Variants in USP48 observed in about 807,000 individuals in gnomAD.
USP48 encodes the protein ubiquitin specific peptidase 48, also known as ubiquitin carboxyl-terminal hydrolase 48.
In USP48, 43 loss-of-function variants were observed where a neutral mutation model predicts 150.7. That is an observed-to-expected ratio of 0.29 (90% CI 0.22 to 0.37). The LOEUF (loss-of-function observed/expected upper bound fraction) is 0.37. Ranked by LOEUF, USP48 falls within the 10% of genes least tolerant of loss-of-function variation. The probability of loss-of-function intolerance (pLI) is 1.00; values close to 1 mark genes in which losing one functional copy is unlikely to be tolerated. For synonymous variants in USP48, 396 were observed against 425.9 expected (o/e 0.93, Z 0.86); for missense variants, 813 against 1,249.6 (o/e 0.65, Z 5.27).
intron 15 of USP48, among the ~76,000 whole-genome samples, chr1:21,709,627 C>T (rs1380813360): frequency 6.6e-6 from 1 of 151,644 alleles, no homozygotes; most frequent in African/African-American, 2.4e-5. Flanking sequence ...GGTATAACCC[C>T]ATGTGGTTAT....
At chr1:21,766,798 A>T (rs907558144) in intron 1 of USP48, among the ~76,000 whole-genome samples, 1 of 151,842 alleles carries the variant, frequency 6.6e-6, no homozygotes, top group East Asian at 1.9e-4. Flanking sequence ...GCCTCCTGAG[A>T]CTCATGCCTG....
intron 9 of USP48, among the ~76,000 whole-genome samples, chr1:21,734,746 T>A (rs2097765013): frequency 6.6e-6 from 1 of 152,200 alleles, no homozygotes; most frequent in African/African-American, 2.4e-5. Flanking sequence ...TGTGTTAGAT[T>A]TCCAGAACAA....
chr1:21,697,143 G>C (rs2097636263), intron 22 of USP48, among the ~76,000 whole-genome samples: 1 of 152,088 alleles, frequency 6.6e-6, no homozygotes, highest in Non-Finnish European at 1.5e-5. Context: ...GGGCTCCACA[G>C]TTTACAAAGC....
chr1:21,705,216 C>A (rs2097668786), intron 19 of USP48, among the ~76,000 whole-genome samples: 1 of 152,148 alleles, frequency 6.6e-6, no homozygotes, highest in Non-Finnish European at 1.5e-5. Context: ...TCTCGTATAT[C>A]ACGATTTTTG....
chr1:21,769,913 A>G (rs1293335357), intron 1 of USP48, among the ~76,000 whole-genome samples: 2 of 152,142 alleles, frequency 1.3e-5, no homozygotes, highest in Non-Finnish European at 2.9e-5. Flanking sequence ...ACTAAAATAT[A>G]TATGCAGAAT....
At chr1:21,713,843 A>G (rs1310329495) in intron 15 of USP48, among the ~76,000 whole-genome samples, 4 of 152,194 alleles carry the variant, frequency 2.6e-5, no homozygotes, top group Non-Finnish European at 5.9e-5. Context: ...AAGACCAACC[A>G]GTAGACAGAT....
intron 23 of USP48, among the ~76,000 whole-genome samples, chr1:21,691,549 C>T (rs2097600805): frequency 6.6e-6 from 1 of 152,058 alleles, no homozygotes; most frequent in African/African-American, 2.4e-5. Flanking sequence ...GGAGGAGAAT[C>T]ACTTGAACCC....
intron 17 of USP48, 33 bp downstream of exon 17, chr1:21,706,434 G>C: frequency 6.2e-7 from 1 of 1,612,966 alleles, no homozygotes; most frequent in East Asian, 2.2e-5. Flanking sequence ...AAAAAGAAAA[G>C]ATGCATTCTT....
chr1:21,710,632 A>G (rs1425327741), intron 15 of USP48, among the ~76,000 whole-genome samples: 1 of 152,208 alleles, frequency 6.6e-6, no homozygotes, highest in Non-Finnish European at 1.5e-5. Context: ...TGACTAATTC[A>G]CACAAAACCT....
At position 21,783,001 on chromosome 1, in the gene USP48, C is replaced by A; in HGVS notation, c.-44G>T. 2 of 1,479,034 alleles carry A rather than the reference C, an allele frequency of 1.4e-6. No individual in the cohort carries two copies. Among genetic ancestry groups the A allele is most frequent in the African/African-American group, 1.5e-5 (1 of 68,246 alleles). 91.6% of individuals were successfully genotyped at this position (1,479,034 alleles called of 1,614,324 possible). On this transcript the variant is annotated 5_prime_UTR_variant, in exon 1 of 27. Transcript: ENST00000308271. ...GCCTCCCGAGCCAGACCGCCGCAGC[C>A]GCCGCCGCGGTCTGCACCGCCGCCC...
In USP48 at chr1:21,753,004, A is replaced by T; in HGVS notation, c.528T>A (p.Thr176=). Residue 176 remains threonine, a synonymous_variant, in exon 4 of 27, where the codon ACT becomes ACA. Coordinates refer to ENST00000308271, the MANE Select transcript of USP48 (RefSeq NM_032236.8). ...ATTCAGTTCTTACCTGCTGTTGTCCAGTGTCCAGGCCCAAGGCTTTAACAA... is the reference window on the plus strand; with the variant it reads ...ATTCAGTTCTTACCTGCTGTTGTCCTGTGTCCAGGCCCAAGGCTTTAACAA... ...SGFVKALGLD[T]GQQQDAQEFS... The T allele has an allele frequency of 6.3e-7, 1 of 1,592,376 alleles. No homozygotes were observed. The highest frequency in any genetic ancestry group is 8.5e-7 in the Non-Finnish European group (1 of 1,174,912).
At chr1:21,687,081 C>CT in intron 25 of USP48, 110 bp downstream of exon 25, 2 of 1,011,768 alleles carry the variant, frequency 2.0e-6, no homozygotes, top group East Asian at 2.6e-5. Context: ...TATGTGGAAG[C>CT]TTTTTTCAAG....
intron 1 of USP48, among the ~76,000 whole-genome samples, chr1:21,762,815 G>A (rs1235076053): frequency 2.8e-5 from 4 of 143,354 alleles, no homozygotes; most frequent in African/African-American, 5.3e-5. Context: ...GCAGTGAGCC[G>A]AGATCACGCC....
At chr1:21,772,271 A>C (rs556783233) in intron 1 of USP48, among the ~76,000 whole-genome samples, 3 of 152,110 alleles carry the variant, frequency 2.0e-5, no homozygotes, top group Non-Finnish European at 4.4e-5. Context: ...TACCAAAAGG[A>C]AAAAAAGCCC....
chr1:21,695,586 T>C (rs985871182), intron 22 of USP48, among the ~76,000 whole-genome samples: 2 of 152,160 alleles, frequency 1.3e-5, no homozygotes, highest in Admixed American at 1.3e-4. Flanking sequence ...GGCATGAGCC[T>C]GTAGTCCCAG....
intron 6 of USP48, among the ~76,000 whole-genome samples, chr1:21,748,733 A>C (rs2097801591): frequency 6.6e-6 from 1 of 152,218 alleles, no homozygotes; most frequent in Non-Finnish European, 1.5e-5. Context: ...TGCCCAGGTG[A>C]AACCCCGTCT....
intron 8 of USP48, among the ~76,000 whole-genome samples, chr1:21,743,063 C>G (rs1176437279): frequency 1.3e-5 from 2 of 152,012 alleles, no homozygotes; most frequent in Non-Finnish European, 2.9e-5. Context: ...TGAACAAATA[C>G]TGATGACAAC....
At chr1:21,766,352 C>T (rs1228185185) in intron 1 of USP48, among the ~76,000 whole-genome samples, 2 of 151,574 alleles carry the variant, frequency 1.3e-5, no homozygotes, top group African/African-American at 4.8e-5. Flanking sequence ...GCCTAGGTGA[C>T]ACAGCACAAA....
intron 15 of USP48, among the ~76,000 whole-genome samples, chr1:21,714,691 G>A (rs997487810): frequency 2.6e-5 from 4 of 152,176 alleles, no homozygotes; most frequent in Non-Finnish European, 2.9e-5. Context: ...TCCCTTGCAC[G>A]ATCATCTTGT....
Sources: allele counts gnomAD v4.1 joint callset (sites outside exome capture counted in the v4.1 genomes callset), GRCh38; gene constraint gnomAD v4.1.1; transcripts MANE v1.5; gene names NCBI Gene and HGNC (gene_info 2026-07-23, HGNC 2026-07-21).